MAP4K3: variants seen among roughly 807,000 people sequenced by gnomAD.
The protein encoded by MAP4K3 is MAPK/ERK kinase kinase kinase 3.
In MAP4K3, 94 loss-of-function variants were observed where a neutral mutation model predicts 143.5. The observed-to-expected ratio is 0.65, with a 90% CI of 0.55 to 0.78. The LOEUF (loss-of-function observed/expected upper bound fraction) is 0.78, where lower values mean the gene tolerates loss of function less well. Among genes scored for constraint, MAP4K3 ranks in the 30% least tolerant of loss-of-function variants. The pLI is 0.00. For missense variants in MAP4K3, 1,077 were observed against 1,068.1 expected (o/e 1.01, Z -0.12); for synonymous variants, 416 against 347.2 (o/e 1.20, Z -2.20).
rs182898295 is a variant in MAP4K3 at position 39,431,683 on chromosome 2, G to A, written c.96+5209C>T. On this transcript the variant is annotated intron_variant, in intron 1 of 33. Coordinates refer to ENST00000263881, the MANE Select transcript of MAP4K3 (RefSeq NM_003618.4). ...TAAAAACCCTGAGGCAAAGCATGAG[G>A]AATGCAGTTGGTTAGAAGGACAGTA... Among the ~76,000 whole-genome samples, 18 of 152,314 alleles carry A rather than the reference G, an allele frequency of 1.2e-4. No individual in the cohort carries two copies. In the East Asian group the frequency reaches 3.1e-3, roughly 26 times the overall value.
intron 19 of MAP4K3, 105 bp from the exon 20 acceptor site, chr2:39,288,385 T>G (rs986059371): frequency 2.1e-6 from 2 of 972,554 alleles, no homozygotes; most frequent in African/African-American, 1.6e-5. Context: ...TACTATACAT[T>G]AGAGGTTTAC....
At chr2:39,283,199 C>A (rs1431071779) in intron 21 of MAP4K3, among the ~76,000 whole-genome samples, 5 of 152,110 alleles carry the variant, frequency 3.3e-5, no homozygotes. Context: ...GGGTCTCTAT[C>A]TTTTACATTT....
intron 3 of MAP4K3, among the ~76,000 whole-genome samples, chr2:39,344,171 TTAGTGTCTAGAAGAATATC>T: frequency 3.9e-5 from 6 of 152,314 alleles, no homozygotes; most frequent in Non-Finnish European, 7.4e-5. Context: ...CACTGCCTTC[TTAGTGTCTAGAAGAATATC>T]CAGCAAATAA....
chr2:39,399,238 T>C (rs1288132735), intron 1 of MAP4K3, among the ~76,000 whole-genome samples: 1 of 152,176 alleles, frequency 6.6e-6, no homozygotes, highest in Non-Finnish European at 1.5e-5. Context: ...TTGTAATTTA[T>C]ATGTCACTAA....
chr2:39,338,329 A>C (rs1665041564), intron 4 of MAP4K3, among the ~76,000 whole-genome samples: 1 of 152,202 alleles, frequency 6.6e-6, no homozygotes, highest in African/African-American at 2.4e-5. Context: ...ACTAGTTTTA[A>C]ATCAATACTT....
At position 39,349,589 on chromosome 2, in the gene MAP4K3, C is replaced by T. The variant is rs550969085; in HGVS notation, c.246-6137G>A. ...CAAGGCCACTGGTATATTAAAGGCTCTGAGAAATCCTGTAGTGAGAAGGCG... is the reference window on the plus strand; with the variant it reads ...CAAGGCCACTGGTATATTAAAGGCTTTGAGAAATCCTGTAGTGAGAAGGCG... On this transcript the variant is annotated intron_variant, in intron 3 of 33. Coordinates refer to ENST00000263881, the MANE Select transcript of MAP4K3 (RefSeq NM_003618.4). 9.3e-4 allele frequency among the ~76,000 whole-genome samples: 142 copies of T among 152,056 alleles called. 1 individual carries two copies. Among genetic ancestry groups the T allele is most frequent in the African/African-American group, 3.1e-3 (127 of 41,436 alleles).
rs543735623 is a variant in MAP4K3, at chr2:39,260,822, C to G, written c.2137-45G>C. ...TACATTAAACCAAGGAAAATAAAAACCGAATAATTCTATGAGAATACTATA... is the reference window on the plus strand; with the variant it reads ...TACATTAAACCAAGGAAAATAAAAAGCGAATAATTCTATGAGAATACTATA... On this transcript the variant is annotated intron_variant, in intron 28 of 33. Coordinates refer to ENST00000263881, the MANE Select transcript of MAP4K3 (RefSeq NM_003618.4). 24 of 1,339,104 alleles carry G rather than the reference C, an allele frequency of 1.8e-5. No individual in the cohort carries two copies. The South Asian group carries it at 2.8e-4, about 16-fold the overall frequency. 83.0% of individuals were successfully genotyped at this position (1,339,104 alleles called of 1,614,324 possible).
At chr2:39,321,810 A>C (rs1410512319) in intron 12 of MAP4K3, among the ~76,000 whole-genome samples, 1 of 152,234 alleles carries the variant, frequency 6.6e-6, no homozygotes, top group Non-Finnish European at 1.5e-5. Context: ...ATGTGTATGC[A>C]TATCTAAAAG....
chr2:39,320,355 C>T (rs1379928120), intron 12 of MAP4K3, among the ~76,000 whole-genome samples: 1 of 152,040 alleles, frequency 6.6e-6, no homozygotes, highest in South Asian at 2.1e-4. Flanking sequence ...CCATTTATAC[C>T]TGAGGTTGCA....
chr2:39,377,919 G>A (rs1382379890), intron 2 of MAP4K3, 147 bp downstream of exon 2: 1 of 617,994 alleles, frequency 1.6e-6, no homozygotes, highest in Non-Finnish European at 2.9e-6. Flanking sequence ...AGAACTTGAA[G>A]AAGTGGAGGA....
chr2:39,406,206 T>G (rs1056120143), intron 1 of MAP4K3, among the ~76,000 whole-genome samples: 2 of 151,570 alleles, frequency 1.3e-5, no homozygotes, highest in African/African-American at 4.9e-5. Context: ...AAAAAAAGAA[T>G]TAAAAAAACA....
rs149429980 is a variant in MAP4K3 at position 39,313,783 on chromosome 2, G to C, written c.997+1527C>G. 3.8e-3 allele frequency among the ~76,000 whole-genome samples: 580 copies of C among 152,158 alleles called. 4 individuals carry two copies. Among genetic ancestry groups the C allele is most frequent in the African/African-American group, 0.013 (551 of 41,514 alleles). On this transcript the variant is annotated intron_variant, in intron 13 of 33. Transcript: ENST00000263881. ...CCGCCTCGGCCTCCCAAAAGTACTG[G>C]GATTATAGGTGTGAGTCACTGTGCC...
chr2:39,384,240 C>A (rs1479944109), intron 1 of MAP4K3, among the ~76,000 whole-genome samples: 1 of 152,066 alleles, frequency 6.6e-6, no homozygotes, highest in East Asian at 1.9e-4. Context: ...TAAAACAGCA[C>A]TGTCGGCCGG....
Position 39,295,701 on chromosome 2 carries a change from C to A in MAP4K3, c.1179-2433G>T, listed in dbSNP as rs566407725. On this transcript the variant is annotated intron_variant, in intron 16 of 33. Coordinates refer to ENST00000263881, the MANE Select transcript of MAP4K3 (RefSeq NM_003618.4). ...ACCATATTTAATTGGATTTATATTGCATTCGCATTCCATGTTTTTTTTTTT... is the reference window on the plus strand; with the variant it reads ...ACCATATTTAATTGGATTTATATTGAATTCGCATTCCATGTTTTTTTTTTT... 1.3e-3 allele frequency among the ~76,000 whole-genome samples: 187 copies of A among 147,332 alleles called. 3 individuals carry two copies. The highest frequency in any genetic ancestry group is 4.5e-3 in the African/African-American group (182 of 40,240).
At chr2:39,311,748 C>G (rs952349881) in intron 13 of MAP4K3, among the ~76,000 whole-genome samples, 1 of 152,220 alleles carries the variant, frequency 6.6e-6, no homozygotes, top group Non-Finnish European at 1.5e-5. Flanking sequence ...CCAGCCCTAG[C>G]TGATATCCTG....
Position 39,292,807 on chromosome 2 carries a change from C to A in MAP4K3, c.1237G>T (p.Glu413Ter). ...TCATCATCATCTCCTTCATCATCTT[C>A]TAAATGTGCGACGTGTCCTCTAAAT... ...LHQRGHVAHL[E>*]DDEGDDDESK... The change falls in exon 18 of 34, where the codon GAA (glutamate) becomes TAA (stop). Residue 413 changes from glutamate (E) to a stop codon, truncating the protein, a stop_gained. Coordinates refer to ENST00000263881, the MANE Select transcript of MAP4K3 (RefSeq NM_003618.4). LOFTEE classifies it high-confidence loss of function. The A allele has an allele frequency of 6.2e-7, 1 of 1,613,226 alleles. No homozygotes were observed. Among genetic ancestry groups the A allele is most frequent in the Non-Finnish European group, 8.5e-7 (1 of 1,179,412 alleles).
intron 2 of MAP4K3, among the ~76,000 whole-genome samples, chr2:39,370,045 TA>T (rs769367736): frequency 1.1e-4 from 16 of 152,206 alleles, no homozygotes; most frequent in Non-Finnish European, 1.6e-4. Flanking sequence ...TCCTTCTAAC[TA>T]AATTAAGTAC....
intron 20 of MAP4K3, among the ~76,000 whole-genome samples, chr2:39,287,454 C>A (rs528962802): frequency 2.0e-4 from 30 of 152,078 alleles, no homozygotes; most frequent in Non-Finnish European, 3.5e-4. Context: ...TGCGCTACCA[C>A]GCCCAGCTAA....
At chr2:39,281,078 A>T (rs956896497) in intron 22 of MAP4K3, among the ~76,000 whole-genome samples, 2 of 152,228 alleles carry the variant, frequency 1.3e-5, no homozygotes, top group African/African-American at 2.4e-5. Flanking sequence ...TACTCAAGGT[A>T]CAAGAATGTT....
Sources: allele counts gnomAD v4.1 joint callset (sites outside exome capture counted in the v4.1 genomes callset), GRCh38; gene constraint gnomAD v4.1.1; transcripts MANE v1.5; gene names NCBI Gene and HGNC (gene_info 2026-07-23, HGNC 2026-07-21).